ADGRD1: variants seen among roughly 807,000 people sequenced by gnomAD.
ADGRD1 encodes adhesion G protein-coupled receptor D1, also known as G-protein coupled receptor 133.
ADGRD1 carries 77 observed loss-of-function variants against 113.4 expected under a neutral mutation model. The observed-to-expected ratio is 0.68, with a 90% confidence interval of 0.57 to 0.82. The LOEUF is 0.82. ADGRD1 is among the 40% of genes least tolerant of loss of function. The pLI is 0.00. For missense variants in ADGRD1, 1,036 were observed against 1,139.1 expected, an observed-to-expected ratio of 0.91 and a Z score of 1.30; for synonymous variants, 474 against 475.0, an observed-to-expected ratio of 1.00 and a Z score of 0.03.
chr12:131,090,247 TAAAA>T (rs1344007536), intron 15 of ADGRD1, among the ~76,000 whole-genome samples: 1 of 152,086 alleles, frequency 6.6e-6, no homozygotes, highest in Non-Finnish European at 1.5e-5. Context: ...TCATCAACAT[TAAAA>T]AAAGTTAAGG....
chr12:130,990,855 C>G, intron 6 of ADGRD1, 159 bp from the exon 7 acceptor site: 1 of 571,128 alleles, frequency 1.8e-6, no homozygotes, highest in East Asian at 3.0e-5. Context: ...CAGCTGATTT[C>G]TTAGCCCATA....
rs188982419 is a variant in ADGRD1 at position 130,987,061 on chromosome 12, A to G, written c.491-34A>G. 4.3e-3 allele frequency: 6,873 copies of G among 1,603,752 alleles called. 23 individuals are homozygous for G. The highest frequency in any genetic ancestry group is 5.1e-3 in the Non-Finnish European group (5,956 of 1,170,982). On this transcript the variant is annotated intron_variant, in intron 5 of 24. Coordinates refer to ENST00000261654, the MANE Select transcript of ADGRD1 (RefSeq NM_198827.5). ...CTGTGCATGGGGAGCTCATTCCCAC[A>G]GTACTCAGAATGGCGATCTTCACTC...
intron 20 of ADGRD1, among the ~76,000 whole-genome samples, chr12:131,126,938 A>G (rs1950749703): frequency 6.6e-6 from 1 of 152,158 alleles, no homozygotes; most frequent in Admixed American, 6.5e-5. Flanking sequence ...CTGATTCTGT[A>G]TTATATTTTC....
intron 13 of ADGRD1, among the ~76,000 whole-genome samples, chr12:131,040,305 A>G (rs1181716277): frequency 6.6e-6 from 1 of 152,152 alleles, no homozygotes; most frequent in Non-Finnish European, 1.5e-5. Flanking sequence ...CTCCTTATTC[A>G]GAAGGAGCTG....
At chr12:130,997,793 A>T (rs937358605) in intron 8 of ADGRD1, among the ~76,000 whole-genome samples, 2 of 152,028 alleles carry the variant, frequency 1.3e-5, no homozygotes, top group Non-Finnish European at 2.9e-5. Context: ...CTCACTTCCC[A>T]GACGGGGTGG....
intron 18 of ADGRD1, among the ~76,000 whole-genome samples, chr12:131,110,983 A>C (rs1049921091): frequency 1.3e-5 from 2 of 152,158 alleles, no homozygotes; most frequent in African/African-American, 2.4e-5. Context: ...ACTTAATCTT[A>C]CTGGGGTCCC....
chr12:131,054,705 C>T (rs892408648), intron 13 of ADGRD1, among the ~76,000 whole-genome samples: 1 of 152,224 alleles, frequency 6.6e-6, no homozygotes, highest in African/African-American at 2.4e-5. Flanking sequence ...ATGCAGCTCT[C>T]TCCTCTCCGG....
intron 13 of ADGRD1, among the ~76,000 whole-genome samples, chr12:131,047,980 T>C (rs1190057678): frequency 6.6e-6 from 1 of 152,140 alleles, no homozygotes; most frequent in Non-Finnish European, 1.5e-5. Context: ...CCACATCCCA[T>C]GTCACAGGGG....
At position 130,971,968 on chromosome 12, in the gene ADGRD1, G is replaced by A. The variant is rs529219559; in HGVS notation, c.310+388G>A. The stretch of plus-strand genomic sequence containing the variant: ...TGATTTCTGGCTCTGGGATGTTGAC[G>A]GTGAGCGGGCAGGGCATACCCAAGA... On this transcript the variant is annotated intron_variant, in intron 4 of 24. Coordinates refer to ENST00000261654, the MANE Select transcript of ADGRD1 (RefSeq NM_198827.5). The surrounding 1 kb of genome is among the most constrained non-coding windows in gnomAD (Gnocchi z 4.2). 1.3e-5 allele frequency among the ~76,000 whole-genome samples: 2 copies of A among 152,288 alleles called. No individual in the cohort carries two copies. The highest frequency in any genetic ancestry group is 2.1e-4 in the South Asian group (1 of 4,810).
chr12:131,007,848 C>T (rs1175831252), intron 12 of ADGRD1, among the ~76,000 whole-genome samples: 1 of 151,986 alleles, frequency 6.6e-6, no homozygotes, highest in Non-Finnish European at 1.5e-5. Flanking sequence ...CTCTTCAGCA[C>T]TTAGTGCAAA....
chr12:131,133,441 G>A (rs907924773), intron 21 of ADGRD1, among the ~76,000 whole-genome samples: 4 of 152,206 alleles, frequency 2.6e-5, no homozygotes, highest in Admixed American at 1.3e-4. Flanking sequence ...TCCTCCAAGC[G>A]ACAGGCTGGC....
chr12:130,997,748 C>A (rs913076256), intron 8 of ADGRD1, among the ~76,000 whole-genome samples: 1 of 151,758 alleles, frequency 6.6e-6, no homozygotes, highest in Non-Finnish European at 1.5e-5. Context: ...GGGCTCCTCA[C>A]ATCCCAGACG....
In ADGRD1 at chr12:131,012,899, C is replaced by T. The variant is rs140585125; in HGVS notation, c.1332-1300C>T. On this transcript the variant is annotated intron_variant, in intron 12 of 24. Transcript: ENST00000261654. ...ACAGAAGCAGACGGCTGGGTGACCG[C>T]GGGGGGCCCGGTGACAGCACGTCTC... 1.6e-3 allele frequency among the ~76,000 whole-genome samples: 250 copies of T among 152,208 alleles called. 1 individual carries two copies. The highest frequency in any genetic ancestry group is 5.7e-3 in the African/African-American group (236 of 41,526).
Position 131,118,449 on chromosome 12 carries a change from C to A in ADGRD1, c.2106C>A (p.Asn702Lys), listed in dbSNP as rs766913837. 4 of 1,609,036 alleles carry A rather than the reference C, an allele frequency of 2.5e-6. No individual in the cohort carries two copies. The highest frequency in any genetic ancestry group is 2.7e-5 in the African/African-American group (2 of 74,774). The stretch of plus-strand genomic sequence containing the variant: ...CCATGGACAGTTACGGAACAAGCAA[C>A]AAGTAAGTGCAGGGCTTTGCCTTGC... ...SFAMDSYGTS[N>K]NCWLSLASGA... The change falls in exon 19 of 25, where the codon AAC becomes AAA. Residue 702 changes from asparagine to lysine, a missense_variant and splice_region_variant. Transcript: ENST00000261654.
rs1050082483 is a variant in ADGRD1 at position 131,084,316 on chromosome 12, G to A, written c.1548-224G>A. Among the ~76,000 whole-genome samples, 1 of 152,146 alleles carries A rather than the reference G, an allele frequency of 6.6e-6. No homozygotes were observed. The highest frequency in any genetic ancestry group is 2.4e-5 in the African/African-American group (1 of 41,436). ...TCCCAGAGGGAGGGCCTTGCTTCCT[G>A]TGGCCTGACCAGCAGCAGACACTCT... is the stretch of plus-strand genomic sequence containing the variant. On this transcript the variant is annotated intron_variant, in intron 14 of 24. Coordinates refer to ENST00000261654, the MANE Select transcript of ADGRD1 (RefSeq NM_198827.5). The surrounding 1 kb of genome is among the most constrained non-coding windows in gnomAD (Gnocchi z 4.5).
intron 13 of ADGRD1, among the ~76,000 whole-genome samples, chr12:131,054,290 A>C (rs1593130002): frequency 6.7e-6 from 1 of 149,928 alleles, no homozygotes; most frequent in South Asian, 2.1e-4. Context: ...GTTCCTTCCC[A>C]CCTCCCTCCC....
In ADGRD1 at chr12:131,002,261, G is replaced by A. The variant is rs574907650; in HGVS notation, c.1027-924G>A. ...TAACCAGGAAACTGTCCAGACTCAG[G>A]CAGGGTCCAATATGCATTAAAGAGA... On this transcript the variant is annotated intron_variant, in intron 9 of 24. Transcript: ENST00000261654. Among the ~76,000 whole-genome samples, 219 of 152,314 alleles carry A rather than the reference G, an allele frequency of 1.4e-3. 1 individual carries two copies. The highest frequency in any genetic ancestry group is 4.8e-3 in the African/African-American group (200 of 41,560).
At chr12:131,014,454 C>CAA in intron 13 of ADGRD1, 114 bp downstream of exon 13, 1 of 922,370 alleles carries the variant, frequency 1.1e-6, no homozygotes, top group Non-Finnish European at 1.6e-6. Context: ...GGTGCCGGCC[C>CAA]GAACTGGAAT....
At chr12:130,963,484 C>T (rs1419857738) in intron 2 of ADGRD1, among the ~76,000 whole-genome samples, 2 of 152,166 alleles carry the variant, frequency 1.3e-5, no homozygotes, top group African/African-American at 4.8e-5. Flanking sequence ...ACATCTCTCT[C>T]TCTTCTTCTC....
Sources: gnomAD v4.1 joint callset for allele counts (sites outside exome capture counted in the v4.1 genomes callset) on GRCh38, gnomAD v4.1.1 for gene constraint, Gnocchi (gnomAD v3.1) non-coding constraint, MANE v1.5 for transcripts, NCBI Gene and HGNC (gene_info 2026-07-23, HGNC 2026-07-21) for gene names.